Variants in GOLGA2 observed in about 807,000 individuals in gnomAD.
The protein encoded by GOLGA2 is golgin subfamily A member 2.
A neutral mutation model predicts 148.8 loss-of-function variants in GOLGA2; 49 were observed. That is an observed-to-expected ratio of 0.33 (90% CI 0.26 to 0.42). The LOEUF is 0.42. Ranked by LOEUF, GOLGA2 falls within the 10% of genes least tolerant of loss-of-function variation. GOLGA2 has a pLI of 1.00. For synonymous variants in GOLGA2, 501 were observed against 511.8 expected (o/e 0.98, Z 0.28); for missense variants, 1,178 against 1,304.6 (o/e 0.90, Z 1.49).
At chr9:128,262,496 C>A in intron 14 of GOLGA2, 67 bp downstream of exon 14, 1 of 1,496,352 alleles carries the variant, frequency 6.7e-7, no homozygotes, top group Non-Finnish European at 9.1e-7. Flanking sequence ...CCATGCCCTG[C>A]ATGATCCCTA....
In GOLGA2 at chr9:128,256,815, A is replaced by G. The variant is rs1034709230; in HGVS notation, c.*252T>C. 6.1e-6 allele frequency: 2 copies of G among 325,870 alleles called. No homozygotes were observed. Among genetic ancestry groups the G allele is most frequent in the Admixed American group, 9.2e-5 (2 of 21,632 alleles). 20.2% of individuals were successfully genotyped at this position (325,870 alleles called of 1,614,324 possible). On this transcript the variant is annotated 3_prime_UTR_variant, in exon 27 of 27. Transcript: ENST00000611957. Reference sequence around the variant, plus strand: ...GGCCTTTTTTCATAACTTTTATACCATAAGTTACCCATAACCTTTTTTATC... The same window carrying G: ...GGCCTTTTTTCATAACTTTTATACCGTAAGTTACCCATAACCTTTTTTATC...
Position 128,256,274 on chromosome 9 carries a change from A to G in GOLGA2, c.*793T>C, listed in dbSNP as rs1438155852. 1.3e-5 allele frequency: 2 copies of G among 152,214 alleles called. No individual in the cohort carries two copies. The highest frequency in any genetic ancestry group is 4.8e-5 in the African/African-American group (2 of 41,416). The allele number at this position is 152,214 out of a possible 1,614,324, so 9.4% of individuals were successfully genotyped here. A position where few individuals can be genotyped will look rare whatever the true frequency, so the allele number is the denominator to read the frequency against. On this transcript the variant is annotated 3_prime_UTR_variant, in exon 27 of 27. Transcript: ENST00000611957. ...CTCTGGCTATTAAATAACAATCATC[A>G]TCATCCAGAAATTTAAGGAGTCAGC...
chr9:128,267,320 G>A (rs1297522388), intron 7 of GOLGA2, 46 bp from the exon 8 acceptor site: 2 of 1,433,362 alleles, frequency 1.4e-6, no homozygotes, highest in Non-Finnish European at 2.0e-6. Flanking sequence ...ATTGGGGGGA[G>A]AGGTAGAGAG....
At position 128,257,261 on chromosome 9, in the gene GOLGA2, C is replaced by T. The variant is rs777044759; in HGVS notation, c.2896G>A (p.Ala966Thr). The change falls in exon 27 of 27, where the codon GCC becomes ACC. Residue 966 changes from alanine (A) to threonine (T), a missense_variant. By Grantham distance (58) the Ala-to-Thr change is moderately conservative. Coordinates refer to ENST00000611957, the MANE Select transcript of GOLGA2 (RefSeq NM_001366244.2). This position sits in a 1 kb window ranked among gnomAD's most constrained non-coding sequence, Gnocchi z 8.0. ...CCTTGGGCAGGCTCCACACTGCCGGCGAGGCTCACCTCGCAAAGATCTTTG... is the reference window on the plus strand; with the variant it reads ...CCTTGGGCAGGCTCCACACTGCCGGTGAGGCTCACCTCGCAAAGATCTTTG... ...QQGDLCEVSL[A>T]GSVEPAQGEA... 3.1e-6 allele frequency: 5 copies of T among 1,613,066 alleles called. No homozygotes were observed. The highest frequency in any genetic ancestry group is 1.1e-5 in the South Asian group (1 of 91,020).
At chr9:128,265,766 G>A (rs767655013) in intron 11 of GOLGA2, 22 bp downstream of exon 11, 3 of 1,611,620 alleles carry the variant, frequency 1.9e-6, no homozygotes, top group East Asian at 2.2e-5. Context: ...GTTGAAGGAT[G>A]ATGGGGTGCC....
chr9:128,262,529 C>T lies in GOLGA2; in HGVS notation c.1134+34G>A, dbSNP rs368691369. 1,375 of 1,599,992 alleles carry T rather than the reference C, an allele frequency of 8.6e-4. 1 individual carries two copies. The highest frequency in any genetic ancestry group is 1.1e-3 in the Non-Finnish European group (1,273 of 1,170,224). On this transcript the variant is annotated intron_variant, in intron 14 of 26. Coordinates refer to ENST00000611957, the MANE Select transcript of GOLGA2 (RefSeq NM_001366244.2). Reference sequence around the variant, plus strand: ...CTAGACCATGGCCCCAGCTGGATGGCGCTCCCACCACCCATGGGGCTGCAG... The same window carrying T: ...CTAGACCATGGCCCCAGCTGGATGGTGCTCCCACCACCCATGGGGCTGCAG...
Position 128,260,139 on chromosome 9 carries a change from G to A in GOLGA2, c.1809C>T (p.Val603=), listed in dbSNP as rs374197968. ...CCAGCTTCTTTCCCAGCTCCCTCTT[G>A]ACGTGCTGCTCCGACTGCAGTGCGC... The part of the protein sequence containing the change: ...ITSALQSEQH[V]KRELGKKLGE... The change falls in exon 19 of 27, where the codon GTC becomes GTT. Residue 603 remains valine (V), a synonymous_variant. Coordinates refer to ENST00000611957, the MANE Select transcript of GOLGA2 (RefSeq NM_001366244.2). This position sits in a 1 kb window ranked among gnomAD's most constrained non-coding sequence, Gnocchi z 4.8. 6.2e-7 allele frequency: 1 copy of A among 1,610,826 alleles called. No homozygotes were observed. Among genetic ancestry groups the A allele is most frequent in the Admixed American group, 1.7e-5 (1 of 60,008 alleles).
At chr9:128,264,001 A>AG (rs1830439926) in intron 12 of GOLGA2, among the ~76,000 whole-genome samples, 1 of 149,228 alleles carries the variant, frequency 6.7e-6, no homozygotes, top group African/African-American at 2.4e-5. Context: ...CTAAAAAAAA[A>AG]AAAAATACAA....
chr9:128,268,316 C>T lies in GOLGA2; in HGVS notation c.393+104G>A, dbSNP rs1002645666. On this transcript the variant is annotated intron_variant, in intron 4 of 26. Coordinates refer to ENST00000611957, the MANE Select transcript of GOLGA2 (RefSeq NM_001366244.2). ...TCTGAGCCTTCCCCCGGCCCGGTCC[C>T]CAGGAAGGGCCCTTGACCCTAGGGA... The T allele has an allele frequency of 2.2e-5, 22 of 1,015,468 alleles. No individual in the cohort carries two copies. The African/African-American group carries it at 2.8e-4, about 13-fold the overall frequency. 62.9% of individuals were successfully genotyped at this position (1,015,468 alleles called of 1,614,324 possible).
Position 128,260,169 on chromosome 9 carries a change from G to A in GOLGA2, c.1779C>T (p.Ile593=), listed in dbSNP as rs199553242. ...FVKLTNENME[I]TSALQSEQHV... is the part of the protein sequence containing the mutation. ...GCTGCTCCGACTGCAGTGCGCTGGT[G>A]ATCTCCATGTTCTCATTAGTCTGGA... The change falls in exon 19 of 27, where the codon ATC becomes ATT. Residue 593 remains isoleucine (I), a synonymous_variant. Coordinates refer to ENST00000611957, the MANE Select transcript of GOLGA2 (RefSeq NM_001366244.2). This position sits in a 1 kb window ranked among gnomAD's most constrained non-coding sequence, Gnocchi z 4.8. 1.1e-4 allele frequency: 169 copies of A among 1,607,984 alleles called. 3 individuals carry two copies. The South Asian group carries it at 1.8e-3, about 17-fold the overall frequency.
chr9:128,260,378 G>T lies in GOLGA2; in HGVS notation c.1758+87C>A. On this transcript the variant is annotated intron_variant, in intron 18 of 26. Transcript: ENST00000611957. This position sits in a 1 kb window ranked among gnomAD's most constrained non-coding sequence, Gnocchi z 4.8. ...CCTCCAGAAGTACCATTTCAAGTGA[G>T]GGCTACACTGCCCCACTTTACAGGT... 8.4e-7 allele frequency: 1 copy of T among 1,192,192 alleles called. No homozygotes were observed. Among genetic ancestry groups the T allele is most frequent in the Non-Finnish European group, 1.2e-6 (1 of 815,342 alleles). The allele number at this position is 1,192,192 out of a possible 1,614,324, so 73.9% of individuals were successfully genotyped here. A position where few individuals can be genotyped will look rare whatever the true frequency, so the allele number is the denominator to read the frequency against.
At chr9:128,267,871 G>A in intron 6 of GOLGA2, 63 bp downstream of exon 6, 2 of 1,277,582 alleles carry the variant, frequency 1.6e-6, no homozygotes, top group South Asian at 1.2e-5. Flanking sequence ...GTGAATCCCT[G>A]CTTCAGTTTC....
intron 2 of GOLGA2, 140 bp downstream of exon 2, chr9:128,273,710 A>C: frequency 9.1e-7 from 1 of 1,100,768 alleles, no homozygotes; most frequent in Middle Eastern, 3.2e-4. Context: ...GCCCTAAATC[A>C]CATCCCTAGC....
In GOLGA2 at chr9:128,266,275, A is replaced by T. The variant is rs201736193; in HGVS notation, c.681+12T>A. ...GCAGTCATGTTGTGAGCAAACAAAG[A>T]AATCACGTTACTTCTTCCAACTGAT... is the stretch of plus-strand genomic sequence containing the variant. On this transcript the variant is annotated intron_variant, in intron 9 of 26. Transcript: ENST00000611957. This position sits in a 1 kb window ranked among gnomAD's most constrained non-coding sequence, Gnocchi z 4.2. 1 of 1,609,150 alleles carries T rather than the reference A, an allele frequency of 6.2e-7. No homozygotes were observed. Among genetic ancestry groups the T allele is most frequent in the African/African-American group, 1.3e-5 (1 of 74,942 alleles).
chr9:128,270,204 A>G (rs902934907), intron 3 of GOLGA2, among the ~76,000 whole-genome samples: 2 of 134,596 alleles, frequency 1.5e-5, no homozygotes, highest in Admixed American at 8.6e-5. Context: ...CGAGATCTCC[A>G]CTCACTGCAA....
chr9:128,259,079 G>A lies in GOLGA2; in HGVS notation c.2101C>T (p.Arg701Cys), dbSNP rs572082468. 5.6e-5 allele frequency: 91 copies of A among 1,611,394 alleles called. No individual in the cohort carries two copies. The highest frequency in any genetic ancestry group is 1.9e-4 in the South Asian group (17 of 91,040). The change falls in exon 21 of 27, where the codon CGC becomes TGC. Residue 701 changes from arginine to cysteine, a missense_variant. This residue lies in a region of GOLGA2 where 529 missense variants were observed against 521.8 expected (regional missense o/e 1.01). Transcript: ENST00000611957. ...TTCTGCTGGGTGGCAGCTTCCAGGC[G>A]CTCCTAAGGGGCCAGAAAAGAGAGT... is the stretch of plus-strand genomic sequence containing the variant. The part of the protein sequence containing the change: ...ARQELQETQE[R>C]LEAATQQNQQ...
Position 128,257,237 on chromosome 9 carries a change from C to A in GOLGA2, c.2920G>T (p.Gly974Ter). The A allele has an allele frequency of 6.2e-7, 1 of 1,613,622 alleles. No homozygotes were observed. Among genetic ancestry groups the A allele is most frequent in the African/African-American group, 1.3e-5 (1 of 75,028 alleles). ...SLAGSVEPAQ[G>*]EAREGSPRDN... ...CGGGGAGAACCCTCCCTGGCCTCTC[C>A]TTGGGCAGGCTCCACACTGCCGGCG... Residue 974 changes from glycine (G) to a stop codon, truncating the protein, a stop_gained, in exon 27 of 27, where the codon GGA (glycine) becomes TGA (stop). Transcript: ENST00000611957. LOFTEE classifies it high-confidence loss of function. This position sits in a 1 kb window ranked among gnomAD's most constrained non-coding sequence, Gnocchi z 8.0.
chr9:128,268,235 C>G, intron 4 of GOLGA2, 75 bp from the exon 5 acceptor site: 1 of 1,337,154 alleles, frequency 7.5e-7, no homozygotes, highest in Non-Finnish European at 1.1e-6. Flanking sequence ...GAGTCAAGCT[C>G]CCAAACTCAT....
In GOLGA2 at chr9:128,268,406, G is replaced by A. The variant is rs896805035; in HGVS notation, c.393+14C>T. On this transcript the variant is annotated intron_variant, in intron 4 of 26. Transcript: ENST00000611957. ...TACAGGAGGGCAGTGGGCAGAGGGG[G>A]AGGAGGCACGAACCTGAGATGCCGC... 7 of 1,425,266 alleles carry A rather than the reference G, an allele frequency of 4.9e-6. No homozygotes were observed. The African/African-American group carries it at 5.6e-5, about 11-fold the overall frequency. 88.3% of individuals were successfully genotyped at this position (1,425,266 alleles called of 1,614,324 possible).
Sources: gnomAD v4.1 joint callset for allele counts (sites outside exome capture counted in the v4.1 genomes callset) on GRCh38, gnomAD v4.1.1 for gene constraint, gnomAD v4.1.1 regional missense constraint, Gnocchi (gnomAD v3.1) non-coding constraint, MANE v1.5 for transcripts, NCBI Gene and HGNC (gene_info 2026-07-23, HGNC 2026-07-21) for gene names.